Variants in LPL observed in about 807,000 individuals in gnomAD.
LPL encodes phospholipase A1.
Under a neutral mutation model 52.2 loss-of-function variants are expected in LPL, and 43 were observed. That is an observed-to-expected ratio of 0.82 (90% CI 0.64 to 1.06). The LOEUF (loss-of-function observed/expected upper bound fraction) is 1.06. LPL is among the 50% of genes least tolerant of loss of function. The probability of loss-of-function intolerance (pLI) is 0.00; values close to 1 mark genes in which losing one functional copy is unlikely to be tolerated. For synonymous variants in LPL, 244 were observed against 215.6 expected, an observed-to-expected ratio of 1.13 and a Z score of -1.15; for missense variants, 639 against 585.3, an observed-to-expected ratio of 1.09 and a Z score of -0.95.
In LPL at chr8:19,947,651, AAACAAC is replaced by A. The variant is rs1428651322; in HGVS notation, c.89-528_89-523del. ...CTGTCTCAAAAAACAAAACAAAACA[AAACAAC>A]CCCCCCCCCGCCCCACACACACACA... On this transcript the variant is annotated intron_variant, in intron 1 of 9. Transcript: ENST00000650287. Among the ~76,000 whole-genome samples the A allele has an allele frequency of 6.7e-3, 848 of 126,502 alleles. 12 individuals carry two copies. Among genetic ancestry groups the A allele is most frequent in the African/African-American group, 0.027 (817 of 30,734 alleles). The allele number at this position is 126,502 out of a possible 152,430, so 83.0% of individuals were successfully genotyped here.
chr8:19,948,484 C>T (rs1159440416), intron 2 of LPL, 144 bp downstream of exon 2: 2 of 960,058 alleles, frequency 2.1e-6, no homozygotes, highest in Non-Finnish European at 3.1e-6. Context: ...AGTTCTGGCT[C>T]AGGTGGGATC....
chr8:19,962,541 C>T (rs533456944), intron 9 of LPL, among the ~76,000 whole-genome samples: 3 of 152,270 alleles, frequency 2.0e-5, no homozygotes, highest in Non-Finnish European at 2.9e-5. Context: ...TCTCTGCTGA[C>T]TTTGCAGATG....
rs781560980 is a variant in LPL at position 19,953,431 on chromosome 8, C to T, written c.541+10C>T. 5 of 1,595,046 alleles carry T rather than the reference C, an allele frequency of 3.1e-6. No homozygotes were observed. Among genetic ancestry groups the T allele is most frequent in the Non-Finnish European group, 4.3e-6 (5 of 1,162,942 alleles). ...GTCAACAGAATTACTGGTAAGAAAG[C>T]AATTTCGTTGGTCTTATCATAAGAG... On this transcript the variant is annotated intron_variant, in intron 4 of 9. Transcript: ENST00000650287.
Position 19,965,902 on chromosome 8 carries a change from T to A in LPL, c.*592T>A, listed in dbSNP as rs1425687248. 4 of 152,146 alleles carry A rather than the reference T, an allele frequency of 2.6e-5. No homozygotes were observed. Among genetic ancestry groups the A allele is most frequent in the Admixed American group, 2.6e-4 (4 of 15,278 alleles). 9.4% of individuals were successfully genotyped at this position (152,146 alleles called of 1,614,324 possible). On this transcript the variant is annotated 3_prime_UTR_variant, in exon 10 of 10. Coordinates refer to ENST00000650287, the MANE Select transcript of LPL (RefSeq NM_000237.3). The stretch of plus-strand genomic sequence containing the variant: ...AGAAAGGGTCTGATAAACACAGAGG[T>A]TTTAAACAGTCCCTACCATTGGCCT...
At chr8:19,943,197 C>T (rs997250999) in intron 1 of LPL, among the ~76,000 whole-genome samples, 2 of 152,168 alleles carry the variant, frequency 1.3e-5, no homozygotes, top group African/African-American at 4.8e-5. Context: ...TAATACCATT[C>T]TGGCTTGGAT....
At chr8:19,947,199 T>A (rs576111176) in intron 1 of LPL, among the ~76,000 whole-genome samples, 118 of 152,256 alleles carry the variant, frequency 7.8e-4, no homozygotes, top group Non-Finnish European at 1.1e-3. Flanking sequence ...AAAATTTTTT[T>A]TAAATTATTT....
At chr8:19,948,888 C>T (rs1239571603) in intron 2 of LPL, among the ~76,000 whole-genome samples, 1 of 151,638 alleles carries the variant, frequency 6.6e-6, no homozygotes, top group Admixed American at 6.6e-5. Context: ...AAACACTCTA[C>T]TTCCAAAATT....
At chr8:19,955,820 T>C (rs1332908705) in intron 5 of LPL, 21 bp from the exon 6 acceptor site, 1 of 1,613,982 alleles carries the variant, frequency 6.2e-7, no homozygotes. Flanking sequence ...GATACAATCT[T>C]GGTGTCTCTT....
intron 1 of LPL, among the ~76,000 whole-genome samples, chr8:19,941,613 A>C (rs2069839454): frequency 6.6e-6 from 1 of 152,206 alleles, no homozygotes. Context: ...GATTATTTCC[A>C]AGTAGACTGG....
Position 19,939,358 on chromosome 8 carries a change from C to T in LPL, c.-83C>T, listed in dbSNP as rs2069808067. ...CGACTTGCTCAGCGCCAAACCGCGG[C>T]TCCAGCCCTCTCCAGCCTCCGGCTC... On this transcript the variant is annotated 5_prime_UTR_variant, in exon 1 of 10. Coordinates refer to ENST00000650287, the MANE Select transcript of LPL (RefSeq NM_000237.3). This position sits in a 1 kb window ranked among gnomAD's most constrained non-coding sequence, Gnocchi z 4.0. 5 of 1,380,242 alleles carry T rather than the reference C, an allele frequency of 3.6e-6. No individual in the cohort carries two copies. Among genetic ancestry groups the T allele is most frequent in the Non-Finnish European group, 3.0e-6 (3 of 997,584 alleles). The allele number at this position is 1,380,242 out of a possible 1,614,324, so 85.5% of individuals were successfully genotyped here.
Position 19,948,160 on chromosome 8 carries a change from AT to A in LPL, c.89-19del, listed in dbSNP as rs751187865. On this transcript the variant is annotated intron_variant, in intron 1 of 9. Coordinates refer to ENST00000650287, the MANE Select transcript of LPL (RefSeq NM_000237.3). ...CAAGCAACCCTCCAGTTAACCTCATATCCAATTTTTCCTTTCCAGAAAGAAG... is the reference window on the plus strand; with the variant it reads ...CAAGCAACCCTCCAGTTAACCTCATACCAATTTTTCCTTTCCAGAAAGAAG... 25 of 1,613,166 alleles carry A rather than the reference AT, an allele frequency of 1.5e-5. No individual in the cohort carries two copies. The highest frequency in any genetic ancestry group is 2.0e-5 in the Non-Finnish European group (24 of 1,179,280).
Position 19,956,103 on chromosome 8 carries a change from A to G in LPL, c.1018+20A>G. The G allele has an allele frequency of 6.2e-7, 1 of 1,613,968 alleles. No individual in the cohort carries two copies. Among genetic ancestry groups the G allele is most frequent in the South Asian group, 1.1e-5 (1 of 91,054 alleles). ...ACAAAGGTAGGCTGGAGACTGTTGT[A>G]AATAAGGAAACCAAGGAGTCCTATT... On this transcript the variant is annotated intron_variant, in intron 6 of 9. Transcript: ENST00000650287.
rs770601263 is a variant in LPL at position 19,954,273 on chromosome 8, T to G, written c.695T>G (p.Ile232Ser). The change falls in exon 5 of 10, where the codon ATT becomes AGT. Residue 232 changes from isoleucine (I) to serine (S), a missense_variant. Ile to Ser is a moderately radical substitution (Grantham distance 142, BLOSUM62 -2). Coordinates refer to ENST00000650287, the MANE Select transcript of LPL (RefSeq NM_000237.3). ...CAGAAACCAGTTGGGCATGTTGACA[T>G]TTACCCGAATGGAGGTACTTTTCAG... ...GIQKPVGHVD[I>S]YPNGGTFQPG... 2 of 1,614,168 alleles carry G rather than the reference T, an allele frequency of 1.2e-6. No homozygotes were observed. Among genetic ancestry groups the G allele is most frequent in the Non-Finnish European group, 1.7e-6 (2 of 1,180,034 alleles).
chr8:19,953,597 C>T (rs982015204), intron 4 of LPL, among the ~76,000 whole-genome samples, 176 bp downstream of exon 4: 9 of 152,158 alleles, frequency 5.9e-5, no homozygotes, highest in African/African-American at 1.2e-4. Context: ...AAAACACAGA[C>T]GCTCTCACTG....
In LPL at chr8:19,948,294, A is replaced by G. The variant is rs150909171; in HGVS notation, c.203A>G (p.His68Arg). 10 of 1,614,012 alleles carry G rather than the reference A, an allele frequency of 6.2e-6. No homozygotes were observed. Among genetic ancestry groups the G allele is most frequent in the African/African-American group, 4.0e-5 (3 of 74,902 alleles). Residue 68 changes from histidine (H) to arginine (R), a missense_variant, in exon 2 of 10, where the codon CAT (histidine) becomes CGT (arginine). Physicochemically the swap from His to Arg is conservative, Grantham distance 29. Transcript: ENST00000650287. ...GTAGCAGAGTCCGTGGCTACCTGTC[A>G]TTTCAATCACAGCAGCAAAACCTTC... ...PGVAESVATC[H>R]FNHSSKTFMV...
At chr8:19,947,964 T>C (rs1453203762) in intron 1 of LPL, among the ~76,000 whole-genome samples, 1 of 152,208 alleles carries the variant, frequency 6.6e-6, no homozygotes, top group African/African-American at 2.4e-5. Flanking sequence ...AGGTCAATGG[T>C]GACAATCTTA....
rs749794785 is a variant in LPL, at chr8:19,960,899, A to C, written c.1140-2A>C. 6.2e-7 allele frequency: 1 copy of C among 1,612,906 alleles called. No homozygotes were observed. Among genetic ancestry groups the C allele is most frequent in the Non-Finnish European group, 8.5e-7 (1 of 1,179,330 alleles). ...AACCAAATTTATTGCTTTTTTGTTTAGGCCTGAAGTTTCCACAAATAAGAC... is the reference window on the plus strand; with the variant it reads ...AACCAAATTTATTGCTTTTTTGTTTCGGCCTGAAGTTTCCACAAATAAGAC... On this transcript the variant is annotated splice_acceptor_variant, in intron 7 of 9. Coordinates refer to ENST00000650287, the MANE Select transcript of LPL (RefSeq NM_000237.3). LOFTEE classifies it high-confidence loss of function.
Position 19,959,257 on chromosome 8 carries a change from C to A in LPL, c.1019-3C>A, listed in dbSNP as rs2128839190. 2 of 1,614,136 alleles carry A rather than the reference C, an allele frequency of 1.2e-6. No individual in the cohort carries two copies. The highest frequency in any genetic ancestry group is 1.1e-5 in the South Asian group (1 of 91,076). ...CAACATGTTCGAATTTCCTCCCCAA[C>A]AGTCTTCCATTACCAAGTAAAGATT... On this transcript the variant is annotated splice_polypyrimidine_tract_variant and splice_region_variant and intron_variant, in intron 6 of 9. Coordinates refer to ENST00000650287, the MANE Select transcript of LPL (RefSeq NM_000237.3).
chr8:19,947,685 T>C (rs533490363), intron 1 of LPL, among the ~76,000 whole-genome samples: 53 of 107,922 alleles, frequency 4.9e-4, no homozygotes, highest in African/African-American at 1.8e-3. Flanking sequence ...CACACACAAA[T>C]AGTGGAACTA....
Sources: allele counts gnomAD v4.1 joint callset (sites outside exome capture counted in the v4.1 genomes callset), GRCh38; gene constraint gnomAD v4.1.1; non-coding constraint Gnocchi (gnomAD v3.1); transcripts MANE v1.5; gene names NCBI Gene and HGNC (gene_info 2026-07-23, HGNC 2026-07-21).